SOX5: variants seen among roughly 807,000 people sequenced by gnomAD.
SOX5 encodes transcription factor SOX-5.
SOX5 carries 9 observed loss-of-function variants against 92.0 expected under a neutral mutation model. That is an observed-to-expected ratio of 0.10 (90% CI 0.06 to 0.17). The LOEUF (loss-of-function observed/expected upper bound fraction) is 0.17. Ranked by LOEUF, SOX5 falls within the 10% of genes least tolerant of loss-of-function variation. The probability of loss-of-function intolerance (pLI) is 1.00; values close to 1 mark genes in which losing one functional copy is unlikely to be tolerated. For missense variants in SOX5, 642 were observed against 944.5 expected, an observed-to-expected ratio of 0.68 and a Z score of 4.20; for synonymous variants, 344 against 336.3, an observed-to-expected ratio of 1.02 and a Z score of -0.25.
At chr12:23,714,843 A>T (rs1303555553) in intron 6 of SOX5, among the ~76,000 whole-genome samples, 1 of 152,222 alleles carries the variant, frequency 6.6e-6, no homozygotes, top group Non-Finnish European at 1.5e-5. Context: ...AATTTTAGTC[A>T]TACTTTGTAA....
intron 7 of SOX5, 93 bp downstream of exon 7, chr12:23,665,351 G>T: frequency 1.5e-6 from 2 of 1,339,878 alleles, no homozygotes; most frequent in East Asian, 4.6e-5. Flanking sequence ...CTATATGGGT[G>T]ATCTCATTTC....
At chr12:24,305,961 C>T (rs1273318418) in intron 2 of SOX5, among the ~76,000 whole-genome samples, 1 of 152,166 alleles carries the variant, frequency 6.6e-6, no homozygotes, top group Admixed American at 6.5e-5. Context: ...CAAATCAAGA[C>T]CAAACAAAAA....
In SOX5 at chr12:24,375,157, T is replaced by G. The variant is rs537347496; in HGVS notation, c.-250-6518A>C. 2.6e-5 allele frequency among the ~76,000 whole-genome samples: 4 copies of G among 151,822 alleles called. No individual in the cohort carries two copies. The South Asian group carries it at 8.3e-4, about 32-fold the overall frequency. Reference sequence around the variant, plus strand: ...CCAGCTAATTTTTTTGTATTTTTAGTAGAGACGGGGTTTCACCGTGTTAGC... The same window carrying G: ...CCAGCTAATTTTTTTGTATTTTTAGGAGAGACGGGGTTTCACCGTGTTAGC... On this transcript the variant is annotated intron_variant, in intron 1 of 4. Coordinates refer to the SOX5 transcript ENST00000446891.
chr12:24,437,426 C>G (rs963160534), intron 1 of SOX5, among the ~76,000 whole-genome samples: 3 of 152,130 alleles, frequency 2.0e-5, no homozygotes, highest in Non-Finnish European at 2.9e-5. Flanking sequence ...GACTTCATGA[C>G]TAAAACACCA....
At chr12:24,509,612 T>C (rs1260046905) in intron 1 of SOX5, among the ~76,000 whole-genome samples, 2 of 152,168 alleles carry the variant, frequency 1.3e-5, no homozygotes, top group African/African-American at 2.4e-5. Context: ...ACCCAATAAA[T>C]AGTCATGAAA....
At chr12:24,027,590 A>G (rs1325278578) in intron 4 of SOX5, among the ~76,000 whole-genome samples, 2 of 151,644 alleles carry the variant, frequency 1.3e-5, no homozygotes, top group African/African-American at 4.8e-5. Context: ...TGGGATGGTA[A>G]CTCCCCCTCT....
chr12:24,377,930 G>A (rs1292455506), intron 1 of SOX5, among the ~76,000 whole-genome samples: 2 of 152,220 alleles, frequency 1.3e-5, no homozygotes, highest in Admixed American at 1.3e-4. Flanking sequence ...TCAACAGCTT[G>A]GCAAGGAGAG....
At chr12:24,467,574 G>T (rs1280923735) in intron 1 of SOX5, among the ~76,000 whole-genome samples, 2 of 152,172 alleles carry the variant, frequency 1.3e-5, no homozygotes, top group African/African-American at 4.8e-5. Context: ...ATCCTTTATG[G>T]AAAAGTTTTG....
intron 4 of SOX5, among the ~76,000 whole-genome samples, chr12:24,132,943 T>C (rs771507106): frequency 2.0e-5 from 3 of 152,204 alleles, no homozygotes; most frequent in Non-Finnish European, 4.4e-5. Context: ...CAAAGTACCA[T>C]GTCATTACAT....
At chr12:24,002,058 T>A (rs919913134) in intron 4 of SOX5, among the ~76,000 whole-genome samples, 8 of 152,110 alleles carry the variant, frequency 5.3e-5, no homozygotes, top group Non-Finnish European at 8.8e-5. Flanking sequence ...GCTAAAGTAG[T>A]GCTTTGGGAA....
intron 3 of SOX5, among the ~76,000 whole-genome samples, chr12:23,759,656 C>T (rs898418234): frequency 5.9e-5 from 9 of 152,008 alleles, no homozygotes; most frequent in African/African-American, 9.7e-5. Context: ...GTAGAAAATG[C>T]ATGTTTCAAA....
chr12:24,425,238 T>C (rs1380068173), intron 1 of SOX5, among the ~76,000 whole-genome samples: 1 of 152,248 alleles, frequency 6.6e-6, no homozygotes, highest in East Asian at 1.9e-4. Context: ...CTCTCTATAC[T>C]TTATGAATGA....
At chr12:23,865,558 C>T (rs970785230) in intron 2 of SOX5, among the ~76,000 whole-genome samples, 1 of 151,926 alleles carries the variant, frequency 6.6e-6, no homozygotes, top group Non-Finnish European at 1.5e-5. Flanking sequence ...GCCTGTAGTC[C>T]CAGCTACTCG....
intron 4 of SOX5, among the ~76,000 whole-genome samples, chr12:24,000,954 T>C (rs1183910141): frequency 2.0e-5 from 3 of 152,134 alleles, no homozygotes; most frequent in Non-Finnish European, 4.4e-5. Flanking sequence ...CTAAAATCTA[T>C]AGAATGCTTC....
chr12:24,118,020 AAAAAAAAAAAAAAAAAAAG>A (rs986968554), intron 4 of SOX5, among the ~76,000 whole-genome samples: 11 of 143,604 alleles, frequency 7.7e-5, no homozygotes, highest in Non-Finnish European at 1.1e-4. Flanking sequence ...CTCTCATTCA[AAAAAAAAAAAAAAAAAAAG>A]AAAAAAAAAA....
intron 4 of SOX5, among the ~76,000 whole-genome samples, chr12:23,748,449 T>C (rs1244260856): frequency 6.6e-6 from 1 of 152,046 alleles, no homozygotes; most frequent in Non-Finnish European, 1.5e-5. Flanking sequence ...TGAAAATTGC[T>C]ATTTCCCCAA....
At chr12:23,983,319 G>C (rs930973635) in intron 4 of SOX5, among the ~76,000 whole-genome samples, 4 of 152,008 alleles carry the variant, frequency 2.6e-5, no homozygotes, top group Admixed American at 1.3e-4. Flanking sequence ...ACTTTTGTTG[G>C]GTAGTGCCAA....
At chr12:23,575,510 T>C (rs1306763303) in intron 10 of SOX5, 151 bp downstream of exon 10, 2 of 629,446 alleles carry the variant, frequency 3.2e-6, no homozygotes, top group Admixed American at 6.5e-5. Context: ...TTCATTTACA[T>C]GTTTAAAACG....
intron 1 of SOX5, among the ~76,000 whole-genome samples, chr12:23,935,735 T>C (rs1434149137): frequency 6.6e-6 from 1 of 151,174 alleles, no homozygotes; most frequent in Non-Finnish European, 1.5e-5. Context: ...TTTTATGTCA[T>C]TTATATCATC....
Sources: gnomAD v4.1 joint callset for allele counts (sites outside exome capture counted in the v4.1 genomes callset) on GRCh38, gnomAD v4.1.1 for gene constraint, MANE v1.5 for transcripts, NCBI Gene and HGNC (gene_info 2026-07-23, HGNC 2026-07-21) for gene names.